Variants in GFPT2 observed in about 807,000 individuals in gnomAD.
GFPT2 encodes the protein glutamine--fructose-6-phosphate transaminase 2.
A neutral mutation model predicts 85.6 loss-of-function variants in GFPT2; 62 were observed. The ratio of observed to expected loss-of-function variants is 0.72; its 90% CI spans 0.59 to 0.90. GFPT2 has a LOEUF of 0.90. Ranked by LOEUF, GFPT2 falls within the 40% of genes least tolerant of loss-of-function variation. The pLI, the probability that GFPT2 is intolerant of heterozygous loss-of-function variation, is 0.00. For synonymous variants in GFPT2, 368 were observed against 344.5 expected (o/e 1.07, Z -0.75); for missense variants, 788 against 893.4 (o/e 0.88, Z 1.50).
Position 180,336,465 on chromosome 5 carries a change from G to A in GFPT2, c.214+14C>T. ...GCTGCAGCGGCTCCTCCCACTCAGA[G>A]GTCCTCCACTTACTGTAAAGTTCTT... is the stretch of plus-strand genomic sequence containing the variant. On this transcript the variant is annotated intron_variant, in intron 3 of 18. Transcript: ENST00000253778. 5 of 1,438,354 alleles carry A rather than the reference G, an allele frequency of 3.5e-6. No individual in the cohort carries two copies. Among genetic ancestry groups the A allele is most frequent in the Non-Finnish European group, 4.9e-6 (5 of 1,019,488 alleles). The allele number at this position is 1,438,354 out of a possible 1,614,324, so 89.1% of individuals were successfully genotyped here. A position where few individuals can be genotyped will look rare whatever the true frequency, so the allele number is the denominator to read the frequency against.
Position 180,313,926 on chromosome 5 carries a change from T to C in GFPT2, c.1312A>G (p.Lys438Glu), listed in dbSNP as rs1175057330. The change falls in exon 14 of 19, where the codon AAG (lysine) becomes GAG (glutamate). Residue 438 changes from lysine (K) to glutamate (E), a missense_variant. Coordinates refer to ENST00000253778, the MANE Select transcript of GFPT2 (RefSeq NM_005110.4). ...ADTLLALRYC[K>E]DRGALTVGVT... ...CCCACGGTGAGAGCGCCGCGGTCCT[T>C]ACAGTAGCGCAGCGCCAGGAGGGTG... 1.2e-6 allele frequency: 2 copies of C among 1,604,706 alleles called. No individual in the cohort carries two copies. Among genetic ancestry groups the C allele is most frequent in the East Asian group, 2.2e-5 (1 of 44,802 alleles).
intron 7 of GFPT2, among the ~76,000 whole-genome samples, chr5:180,325,145 C>T (rs539677403): frequency 6.6e-6 from 1 of 152,326 alleles, no homozygotes; most frequent in African/African-American, 2.4e-5. Context: ...CCCTCCTAGG[C>T]CGGGCCTCCT....
chr5:180,336,546 G>A lies in GFPT2; in HGVS notation c.147C>T (p.Val49=). 2 of 1,611,176 alleles carry A rather than the reference G, an allele frequency of 1.2e-6. No homozygotes were observed. Residue 49 remains valine, a synonymous_variant, in exon 3 of 19, where the codon GTC becomes GTT. Transcript: ENST00000253778. ...GVAIDGNNHE[V]KERHIQLVKK... ...TGACCAGCTGAATGTGTCTTTCTTT[G>A]ACTTCGTGATTATTCCCATCGATCG... is the stretch of plus-strand genomic sequence containing the variant.
At chr5:180,306,943 C>T (rs531275188) in intron 16 of GFPT2, among the ~76,000 whole-genome samples, 1 of 152,378 alleles carries the variant, frequency 6.6e-6, no homozygotes, top group Admixed American at 6.5e-5. Context: ...GTCCCTTTCT[C>T]CTCAGTAGAT....
chr5:180,353,014 C>T, intron 1 of GFPT2, 197 bp downstream of exon 1: 1 of 404,020 alleles, frequency 2.5e-6, no homozygotes, highest in Non-Finnish European at 4.2e-6. Flanking sequence ...CCCACACCTC[C>T]GAGACGGCCA....
In GFPT2 at chr5:180,328,999, A is replaced by G. The variant is rs1320723098; in HGVS notation, c.535-661T>C. 6.6e-6 allele frequency among the ~76,000 whole-genome samples: 1 copy of G among 152,190 alleles called. No homozygotes were observed. Among genetic ancestry groups the G allele is most frequent in the Non-Finnish European group, 1.5e-5 (1 of 68,026 alleles). On this transcript the variant is annotated intron_variant, in intron 6 of 18. Transcript: ENST00000253778. The surrounding 1 kb of genome is among the most constrained non-coding windows in gnomAD (Gnocchi z 5.4). ...GGCCTCAGCTGGTTGGTTTGTGCAA[A>G]GCCAGAACTAGAATCCAGCTCTCCT...
chr5:180,326,790 T>G (rs1463887069), intron 7 of GFPT2, among the ~76,000 whole-genome samples: 1 of 152,188 alleles, frequency 6.6e-6, no homozygotes, highest in Non-Finnish European at 1.5e-5. Flanking sequence ...CTCTAGACCT[T>G]GAGACATATA....
intron 13 of GFPT2, 45 bp downstream of exon 13, chr5:180,316,296 G>A (rs751217029): frequency 5.0e-6 from 8 of 1,608,554 alleles, no homozygotes; most frequent in South Asian, 4.4e-5. Context: ...AGAGAGCCCA[G>A]AGCTGACCTG....
At chr5:180,332,245 G>C (rs949008618) in intron 4 of GFPT2, among the ~76,000 whole-genome samples, 9 of 148,628 alleles carry the variant, frequency 6.1e-5, no homozygotes, top group African/African-American at 2.1e-4. Flanking sequence ...TGGCGGGGGG[G>C]CGGGGGGAGC....
intron 1 of GFPT2, among the ~76,000 whole-genome samples, chr5:180,342,407 GTTTTT>G (rs757456841): frequency 9.1e-6 from 1 of 109,332 alleles, no homozygotes; most frequent in African/African-American, 3.6e-5. Context: ...TAGGTGAAAT[GTTTTT>G]TTTTTTTTTT....
At chr5:180,308,745 G>C (rs756238808) in intron 15 of GFPT2, among the ~76,000 whole-genome samples, 2 of 152,146 alleles carry the variant, frequency 1.3e-5, no homozygotes, top group South Asian at 2.1e-4. Context: ...TCATTTACAA[G>C]TGCATAACTC....
chr5:180,350,989 T>C (rs1198124335), intron 1 of GFPT2, among the ~76,000 whole-genome samples: 1 of 152,238 alleles, frequency 6.6e-6, no homozygotes. Context: ...GGGCCTCAGC[T>C]TCCCCAGCGT....
chr5:180,324,732 G>A (rs762290294), intron 8 of GFPT2, 84 bp downstream of exon 8: 6 of 898,778 alleles, frequency 6.7e-6, no homozygotes, highest in Non-Finnish European at 9.4e-6. Context: ...CCTTGCCTCA[G>A]AGGGGAGCTG....
At chr5:180,339,454 C>A (rs1029727483) in intron 1 of GFPT2, among the ~76,000 whole-genome samples, 11 of 151,780 alleles carry the variant, frequency 7.2e-5, no homozygotes, top group Admixed American at 2.0e-4. Flanking sequence ...TTGGCCCCTG[C>A]AGAATCCTTA....
chr5:180,337,407 C>A (rs1291646405), intron 2 of GFPT2, among the ~76,000 whole-genome samples: 1 of 148,196 alleles, frequency 6.7e-6, no homozygotes, highest in Non-Finnish European at 1.5e-5. Context: ...GAGCTGAGAT[C>A]GCGCCACTGC....
chr5:180,324,279 A>C lies in GFPT2; in HGVS notation c.703T>G (p.Cys235Gly), dbSNP rs200998094. The C allele has an allele frequency of 1.2e-6, 2 of 1,607,522 alleles. No homozygotes were observed. Among genetic ancestry groups the C allele is most frequent in the Admixed American group, 3.4e-5 (2 of 59,212 alleles). Residue 235 changes from cysteine to glycine, a missense_variant, in exon 9 of 19, where the codon TGT (cysteine) becomes GGT (glycine). Physicochemically the swap from Cys to Gly is radical, Grantham distance 159. Transcript: ENST00000253778. ...TCTLENVKNI[C>G]KTRMKRLDSS... ...TCCAGCCTCTTCATCCGTGTCTTAC[A>C]GATATTCTTCACATTCTCCAGAGTG...
chr5:180,346,660 G>A (rs1764614929), intron 1 of GFPT2, among the ~76,000 whole-genome samples: 1 of 152,172 alleles, frequency 6.6e-6, no homozygotes, highest in Non-Finnish European at 1.5e-5. Context: ...CCTCAGCCCA[G>A]TGCGTGCGCC....
Position 180,336,552 on chromosome 5 carries a change from G to C in GFPT2, c.141C>G (p.His47Gln), listed in dbSNP as rs199538381. 2.5e-6 allele frequency: 4 copies of C among 1,610,184 alleles called. No individual in the cohort carries two copies. The highest frequency in any genetic ancestry group is 3.4e-6 in the Non-Finnish European group (4 of 1,176,538). ...SAGVAIDGNN[H>Q]EVKERHIQLV... ...GCTGAATGTGTCTTTCTTTGACTTC[G>C]TGATTATTCCCATCGATCGCCACAC... is the stretch of plus-strand genomic sequence containing the variant. Residue 47 changes from histidine (H) to glutamine (Q), a missense_variant, in exon 3 of 19, where the codon CAC (histidine) becomes CAG (glutamine). Physicochemically the swap from His to Gln is conservative, Grantham distance 24 (BLOSUM62 0). Coordinates refer to ENST00000253778, the MANE Select transcript of GFPT2 (RefSeq NM_005110.4).
intron 9 of GFPT2, among the ~76,000 whole-genome samples, chr5:180,321,836 T>G (rs1034827918): frequency 1.3e-5 from 2 of 152,242 alleles, no homozygotes; most frequent in Admixed American, 6.5e-5. Context: ...CAGGCTGGAG[T>G]GCAGTGGCGC....
Sources: gnomAD v4.1 joint callset for allele counts (sites outside exome capture counted in the v4.1 genomes callset) on GRCh38, gnomAD v4.1.1 for gene constraint, Gnocchi (gnomAD v3.1) non-coding constraint, MANE v1.5 for transcripts, NCBI Gene and HGNC (gene_info 2026-07-23, HGNC 2026-07-21) for gene names.